Variants in ENAH observed in about 807,000 individuals in gnomAD.
The protein encoded by ENAH is protein enabled homolog.
ENAH carries 23 observed loss-of-function variants against 78.7 expected under a neutral mutation model. The ratio of observed to expected loss-of-function variants is 0.29; its 90% CI spans 0.21 to 0.41. The LOEUF (loss-of-function observed/expected upper bound fraction) is 0.41, where lower values mean the gene tolerates loss of function less well. Among genes scored for constraint, ENAH ranks in the 10% least tolerant of loss-of-function variants. The probability of loss-of-function intolerance (pLI) is 1.00; values close to 1 mark genes in which losing one functional copy is unlikely to be tolerated. For missense variants in ENAH, 544 were observed against 691.0 expected (o/e 0.79, Z 2.39); for synonymous variants, 226 against 241.0 (o/e 0.94, Z 0.58).
chr1:225,498,374 T>A lies in ENAH; in HGVS notation c.1648A>T (p.Thr550Ser). 1.9e-6 allele frequency: 3 copies of A among 1,597,224 alleles called. No individual in the cohort carries two copies. Among genetic ancestry groups the A allele is most frequent in the Non-Finnish European group, 2.6e-6 (3 of 1,167,888 alleles). ...DILDEMRKEL[T>S]KLKEELIDAI... ...TCAATGAGCTCTTCTTTTAGCTTTG[T>A]TAATTCTTTTCTCATTTCATCTAAA... Residue 550 changes from threonine (T) to serine (S), a missense_variant, in exon 13 of 14, where the codon ACA becomes TCA. Transcript: ENST00000366843.
chr1:225,537,701 T>C (rs567195238), intron 3 of ENAH, among the ~76,000 whole-genome samples: 119 of 148,612 alleles, frequency 8.0e-4, no homozygotes, highest in Non-Finnish European at 1.2e-3. Context: ...AGGACATTTC[T>C]CTTTAAGTTA....
chr1:225,608,268 A>G (rs1001436496), intron 1 of ENAH, among the ~76,000 whole-genome samples: 3 of 151,686 alleles, frequency 2.0e-5, no homozygotes, highest in African/African-American at 7.2e-5. Context: ...GAGTAGATAA[A>G]AGAATTCAGA....
At chr1:225,550,399 T>A (rs1163864576) in intron 3 of ENAH, among the ~76,000 whole-genome samples, 1 of 152,224 alleles carries the variant, frequency 6.6e-6, no homozygotes, top group Non-Finnish European at 1.5e-5. Flanking sequence ...TTTTGTATTA[T>A]TCCCAGTGCC....
intron 11 of ENAH, among the ~76,000 whole-genome samples, chr1:225,503,358 C>T (rs1007487249): frequency 1.3e-5 from 2 of 152,030 alleles, no homozygotes; most frequent in Non-Finnish European, 2.9e-5. Context: ...TGCATGATCT[C>T]AGCTCACCGC....
chr1:225,595,545 A>C (rs1386944763), intron 1 of ENAH, among the ~76,000 whole-genome samples: 1 of 152,168 alleles, frequency 6.6e-6, no homozygotes, highest in Non-Finnish European at 1.5e-5. Context: ...AAGGGCAGGC[A>C]CTACCCAGAA....
At chr1:225,619,616 G>A (rs1337800808) in intron 1 of ENAH, among the ~76,000 whole-genome samples, 1 of 152,158 alleles carries the variant, frequency 6.6e-6, no homozygotes, top group Non-Finnish European at 1.5e-5. Context: ...TCAGGGGAAG[G>A]AGGATGACTA....
At chr1:225,628,160 G>C (rs540147270) in intron 1 of ENAH, among the ~76,000 whole-genome samples, 10 of 152,292 alleles carry the variant, frequency 6.6e-5, no homozygotes, top group Admixed American at 5.2e-4. Context: ...ATTCTTCTTA[G>C]ATTTAAAGGT....
chr1:225,510,721 G>C (rs1229976893), intron 10 of ENAH, among the ~76,000 whole-genome samples: 1 of 140,328 alleles, frequency 7.1e-6, no homozygotes, highest in African/African-American at 2.6e-5. Context: ...AAAAAAAAAA[G>C]GAATTCTAGG....
chr1:225,581,279 CATT>C, intron 1 of ENAH: 3 of 984,936 alleles, frequency 3.0e-6, no homozygotes, highest in Non-Finnish European at 2.4e-6. Flanking sequence ...CTTTTCCTCA[CATT>C]ATTTTCATGA....
intron 1 of ENAH, among the ~76,000 whole-genome samples, chr1:225,645,353 G>C (rs146709868): frequency 6.6e-6 from 1 of 152,148 alleles, no homozygotes; most frequent in Non-Finnish European, 1.5e-5. Flanking sequence ...CTACGCTGTG[G>C]CATGTATCAG....
intron 1 of ENAH, among the ~76,000 whole-genome samples, chr1:225,588,642 G>A (rs1034633538): frequency 1.1e-4 from 17 of 151,744 alleles, no homozygotes; most frequent in Admixed American, 7.2e-4. Context: ...ACGCCGTCTC[G>A]ACTAAAAATA....
intron 3 of ENAH, among the ~76,000 whole-genome samples, chr1:225,535,119 A>T (rs11584996): frequency 6.6e-5 from 10 of 152,044 alleles, no homozygotes; most frequent in Non-Finnish European, 1.3e-4. Flanking sequence ...CCTTTGCACA[A>T]GGCACATTTA....
intron 3 of ENAH, 25 bp downstream of exon 3, chr1:225,554,881 T>G: frequency 6.9e-7 from 1 of 1,457,558 alleles, no homozygotes; most frequent in South Asian, 1.6e-5. Flanking sequence ...AGAAAGAAAA[T>G]ACAAATAAAC....
chr1:225,554,065 A>C (rs543725361), intron 3 of ENAH, among the ~76,000 whole-genome samples: 1 of 152,318 alleles, frequency 6.6e-6, no homozygotes, highest in South Asian at 2.1e-4. Context: ...ACTTTCAACA[A>C]AGTATCAAAT....
intron 6 of ENAH, 22 bp downstream of exon 6, chr1:225,517,174 G>A (rs1192841857): frequency 6.7e-6 from 10 of 1,482,894 alleles, no homozygotes; most frequent in Non-Finnish European, 7.2e-6. Context: ...TTAGCTGTTA[G>A]TAGCAATAAT....
intron 6 of ENAH, 23 bp from the exon 7 acceptor site, chr1:225,514,923 A>AT: frequency 6.3e-7 from 1 of 1,589,236 alleles, no homozygotes; most frequent in South Asian, 1.1e-5. Flanking sequence ...AATGTTAAGT[A>AT]AGACCATCAA....
chr1:225,533,407 A>C (rs892820700), intron 3 of ENAH, among the ~76,000 whole-genome samples: 1 of 152,186 alleles, frequency 6.6e-6, no homozygotes, highest in Non-Finnish European at 1.5e-5. Context: ...GTACTTTCAT[A>C]ACCATTTCAG....
chr1:225,561,121 C>T (rs1192945849), intron 2 of ENAH, among the ~76,000 whole-genome samples: 2 of 152,062 alleles, frequency 1.3e-5, no homozygotes, highest in East Asian at 3.9e-4. Flanking sequence ...GTAATCCCTG[C>T]TACTCGGGAG....
intron 1 of ENAH, among the ~76,000 whole-genome samples, chr1:225,568,781 C>T (rs923355935): frequency 1.3e-5 from 2 of 152,174 alleles, no homozygotes; most frequent in African/African-American, 4.8e-5. Context: ...TTATTCTTGT[C>T]CTTGATGACA....
Sources: allele counts gnomAD v4.1 joint callset (sites outside exome capture counted in the v4.1 genomes callset), GRCh38; gene constraint gnomAD v4.1.1; transcripts MANE v1.5; gene names NCBI Gene and HGNC (gene_info 2026-07-23, HGNC 2026-07-21).